The following SLC38A10 variants were observed in gnomAD, a reference collection of about 807,000 sequenced individuals.
SLC38A10 encodes the protein solute carrier family 38 member 10.
In SLC38A10, 53 loss-of-function variants were observed where a neutral mutation model predicts 81.0. The observed-to-expected ratio is 0.65, with a 90% CI of 0.53 to 0.82. SLC38A10 has a LOEUF of 0.82. SLC38A10 is among the 40% of genes least tolerant of loss of function. The pLI, the probability that SLC38A10 is intolerant of heterozygous loss-of-function variation, is 0.00. For missense variants in SLC38A10, 1,471 were observed against 1,545.0 expected (o/e 0.95, Z 0.80); for synonymous variants, 665 against 655.3 (o/e 1.01, Z -0.23).
chr17:81,292,703 T>C (rs1374155285), intron 1 of SLC38A10, among the ~76,000 whole-genome samples: 1 of 152,192 alleles, frequency 6.6e-6, no homozygotes, highest in Non-Finnish European at 1.5e-5. Flanking sequence ...AATCAGCACA[T>C]GCTCTGGCAG....
At chr17:81,260,834 A>C (rs1230894562) in intron 10 of SLC38A10, among the ~76,000 whole-genome samples, 1 of 152,206 alleles carries the variant, frequency 6.6e-6, no homozygotes, top group East Asian at 1.9e-4. Flanking sequence ...GCACTGCCCA[A>C]CCTGCCTGGG....
chr17:81,271,580 A>C (rs2063116239), intron 9 of SLC38A10, among the ~76,000 whole-genome samples: 1 of 152,134 alleles, frequency 6.6e-6, no homozygotes, highest in Non-Finnish European at 1.5e-5. Flanking sequence ...CAGAGCCTTC[A>C]ACGCTTCCCT....
In SLC38A10 at chr17:81,246,200, T is replaced by C. The variant is rs1376411510; in HGVS notation, c.2716A>G (p.Ile906Val). The C allele has an allele frequency of 2.6e-5, 42 of 1,612,592 alleles. No individual in the cohort carries two copies. The East Asian group carries it at 9.1e-4, about 35-fold the overall frequency. ...ACGAGCCAGTTGGCTTCCTTCAGAA[T>C]GCTGGTGCCAGTGGCTGCCACCTCC... ...GKEVAATGTSILKEANWLVAG... is the reference protein window; with the variant it reads ...GKEVAATGTSVLKEANWLVAG... Residue 906 changes from isoleucine (I) to valine (V), a missense_variant, in exon 16 of 16, where the codon ATT becomes GTT. Physicochemically the swap from Ile to Val is conservative, Grantham distance 29. Coordinates refer to ENST00000374759, the MANE Select transcript of SLC38A10 (RefSeq NM_001037984.3).
At chr17:81,262,891 G>A (rs1019199381) in intron 10 of SLC38A10, 2 of 152,238 alleles carry the variant, frequency 1.3e-5, no homozygotes, top group African/African-American at 4.8e-5. Flanking sequence ...TGACTATAAT[G>A]ATTTATTTCA....
Position 81,246,452 on chromosome 17 carries a change from GGCC to G in SLC38A10, c.2461_2463del (p.Gly821del), listed in dbSNP as rs755210782. On this transcript the variant is annotated inframe_deletion, in exon 16 of 16. Coordinates refer to ENST00000374759, the MANE Select transcript of SLC38A10 (RefSeq NM_001037984.3). ...TGGGCTGCCCGAGGCTCTGTGTCAG[GGCC>G]GCCGTCAGGAGGGCCAGCAGGGTCT... The G allele has an allele frequency of 2.5e-6, 4 of 1,586,830 alleles. No homozygotes were observed. The highest frequency in any genetic ancestry group is 3.4e-6 in the Non-Finnish European group (4 of 1,167,382).
chr17:81,291,789 TAC>T (rs1309515189), intron 1 of SLC38A10, among the ~76,000 whole-genome samples: 3 of 152,142 alleles, frequency 2.0e-5, no homozygotes, highest in Admixed American at 6.5e-5. Flanking sequence ...AGGGGTAAAC[TAC>T]ACACAGACAC....
In SLC38A10 at chr17:81,276,606, G is replaced by A. The variant is rs1598398976; in HGVS notation, c.729+425C>T. Among the ~76,000 whole-genome samples, 3 of 152,098 alleles carry A rather than the reference G, an allele frequency of 2.0e-5. No homozygotes were observed. The highest frequency in any genetic ancestry group is 4.4e-5 in the Non-Finnish European group (3 of 68,024). The stretch of plus-strand genomic sequence containing the variant: ...AGGGTTTCACCATGTTGGCCAGGCT[G>A]GTCTTGAACTCCTGACCTCATGATC... On this transcript the variant is annotated intron_variant, in intron 7 of 15. Transcript: ENST00000374759. This position sits in a 1 kb window ranked among gnomAD's most constrained non-coding sequence, Gnocchi z 4.7.
chr17:81,266,039 C>A (rs772577748), intron 10 of SLC38A10, among the ~76,000 whole-genome samples: 8 of 152,226 alleles, frequency 5.3e-5, no homozygotes, highest in Non-Finnish European at 8.8e-5. Flanking sequence ...CATGTCTACA[C>A]ACCAAGTCAA....
At chr17:81,248,091 G>A (rs1352144794) in intron 14 of SLC38A10, among the ~76,000 whole-genome samples, 1 of 151,630 alleles carries the variant, frequency 6.6e-6, no homozygotes, top group African/African-American at 2.4e-5. Context: ...CCGAGTAGCT[G>A]GGACTACAGA....
At chr17:81,264,334 C>T (rs888078945) in intron 10 of SLC38A10, 1 of 152,340 alleles carries the variant, frequency 6.6e-6, no homozygotes, top group Non-Finnish European at 1.5e-5. Flanking sequence ...ATTCAACGGA[C>T]CAGCGTGCCA....
chr17:81,246,739 A>C lies in SLC38A10; in HGVS notation c.2243-66T>G. The C allele has an allele frequency of 2.7e-6, 4 of 1,500,258 alleles. No individual in the cohort carries two copies. The South Asian group carries it at 5.5e-5, about 21-fold the overall frequency. 92.9% of individuals were successfully genotyped at this position (1,500,258 alleles called of 1,614,324 possible). A position where few individuals can be genotyped will look rare whatever the true frequency, so the allele number is the denominator to read the frequency against. On this transcript the variant is annotated intron_variant, in intron 15 of 15. Coordinates refer to ENST00000374759, the MANE Select transcript of SLC38A10 (RefSeq NM_001037984.3). ...ACACAGGCTGCCAGTGGAGGGGCTC[A>C]GAAGAACCAGCAACAACAGCATTGG...
chr17:81,246,064 T>C lies in SLC38A10; in HGVS notation c.2852A>G (p.Gln951Arg). Residue 951 changes from glutamine to arginine, a missense_variant, in exon 16 of 16, where the codon CAG becomes CGG. Physicochemically the swap from Gln to Arg is conservative, Grantham distance 43 (BLOSUM62 1). Around this residue, in one of 2 missense-constraint regions of SLC38A10, gnomAD observed 751 missense variants for 717.4 expected, o/e 1.05. Transcript: ENST00000374759. ...CGGCTGGCGTAACACAGCCTGGGGC[T>C]GTGCAGCTGCTCCTTCCGCCCCACC... ...LPGGAEGAAAQPQAVLRQPEL... is the reference protein window; with the variant it reads ...LPGGAEGAAARPQAVLRQPEL... 2 of 1,609,444 alleles carry C rather than the reference T, an allele frequency of 1.2e-6. No individual in the cohort carries two copies. The highest frequency in any genetic ancestry group is 8.5e-7 in the Non-Finnish European group (1 of 1,179,626).
At chr17:81,280,250 C>G (rs958861743) in intron 6 of SLC38A10, 8 of 437,292 alleles carry the variant, frequency 1.8e-5, no homozygotes, top group African/African-American at 1.4e-4. Flanking sequence ...TGTGCCATTT[C>G]CTTTTAAATA....
intron 14 of SLC38A10, among the ~76,000 whole-genome samples, chr17:81,250,329 G>A (rs977701405): frequency 6.6e-6 from 1 of 152,240 alleles, no homozygotes; most frequent in South Asian, 2.1e-4. Flanking sequence ...TGCCTTCCGC[G>A]CTGCAGGTGC....
At position 81,248,988 on chromosome 17, in the gene SLC38A10, C is replaced by T. The variant is rs535054283; in HGVS notation, c.2066-1927G>A. Among the ~76,000 whole-genome samples the T allele has an allele frequency of 5.9e-5, 9 of 152,318 alleles. No homozygotes were observed. The South Asian group carries it at 6.2e-4, about 11-fold the overall frequency. On this transcript the variant is annotated intron_variant, in intron 14 of 15. Transcript: ENST00000374759. ...AGTGCAGGTGGCAGACCAGCCACCTCGGCCGTGGGCCACGTGCTCGCCCTG... is the reference window on the plus strand; with the variant it reads ...AGTGCAGGTGGCAGACCAGCCACCTTGGCCGTGGGCCACGTGCTCGCCCTG...
chr17:81,279,907 C>T, intron 6 of SLC38A10: 1 of 263,820 alleles, frequency 3.8e-6, no homozygotes, highest in Non-Finnish European at 7.7e-6. Context: ...TGGGTGTAAA[C>T]ACAGCGGTAT....
In SLC38A10 at chr17:81,289,621, A is replaced by C; in HGVS notation, c.217+70T>G. On this transcript the variant is annotated intron_variant, in intron 2 of 15. Transcript: ENST00000374759. This position sits in a 1 kb window ranked among gnomAD's most constrained non-coding sequence, Gnocchi z 5.9. ...TCTTGAAGAATCAAGTAGAGTAAAT[A>C]AATAAATAAATAAATGGAATAAGGC... The C allele has an allele frequency of 9.8e-7, 1 of 1,019,152 alleles. No homozygotes were observed. The highest frequency in any genetic ancestry group is 1.4e-6 in the Non-Finnish European group (1 of 723,674). The allele number at this position is 1,019,152 out of a possible 1,614,324, so 63.1% of individuals were successfully genotyped here. A position where few individuals can be genotyped will look rare whatever the true frequency, so the allele number is the denominator to read the frequency against.
chr17:81,284,793 T>G, intron 3 of SLC38A10, 57 bp downstream of exon 3: 1 of 1,255,224 alleles, frequency 8.0e-7, no homozygotes, highest in Non-Finnish European at 1.1e-6. Context: ...ACCGGGAGGG[T>G]CCCCAGTGTC....
At chr17:81,264,265 C>G (rs2063050688) in intron 10 of SLC38A10, 3 of 152,708 alleles carry the variant, frequency 2.0e-5, no homozygotes, top group Admixed American at 6.5e-5. Flanking sequence ...CAGCCTCCAG[C>G]CCTGTACTTC....
Sources: gnomAD v4.1 joint callset for allele counts (sites outside exome capture counted in the v4.1 genomes callset) on GRCh38, gnomAD v4.1.1 for gene constraint, gnomAD v4.1.1 regional missense constraint, Gnocchi (gnomAD v3.1) non-coding constraint, MANE v1.5 for transcripts, NCBI Gene and HGNC (gene_info 2026-07-23, HGNC 2026-07-21) for gene names.